Variants in BCKDHB observed in about 807,000 individuals in gnomAD.
BCKDHB encodes the protein branched chain keto acid dehydrogenase E1 subunit beta, also known as 2-oxoisovalerate dehydrogenase subunit beta, mitochondrial.
Under a neutral mutation model 48.5 loss-of-function variants are expected in BCKDHB, and 41 were observed. The observed-to-expected ratio is 0.85, with a 90% CI of 0.66 to 1.10. BCKDHB has a LOEUF of 1.10. Ranked by LOEUF, BCKDHB falls within the 50% of genes least tolerant of loss-of-function variation. BCKDHB has a pLI of 0.00. For missense variants in BCKDHB, 496 were observed against 494.2 expected (o/e 1.00, Z -0.03); for synonymous variants, 201 against 174.8 (o/e 1.15, Z -1.18).
At chr6:80,401,842 ATGTC>A in the BCKDHB span, among the ~76,000 whole-genome samples, 1 of 151,596 alleles carries the variant, frequency 6.6e-6, no homozygotes, top group Admixed American at 6.6e-5. Flanking sequence ...TTGTTTTTCT[ATGTC>A]TGGCTTATTT....
intron 8 of BCKDHB, among the ~76,000 whole-genome samples, chr6:80,264,192 G>A (rs1220795628): frequency 1.3e-5 from 2 of 152,064 alleles, no homozygotes; most frequent in African/African-American, 4.8e-5. Flanking sequence ...GGGCATTGTG[G>A]CAACATATAT....
At chr6:80,375,858 G>A in the BCKDHB span, among the ~76,000 whole-genome samples, 1 of 152,118 alleles carries the variant, frequency 6.6e-6, no homozygotes, top group Admixed American at 6.5e-5. Flanking sequence ...TTGATGTGGT[G>A]CTCTCCTTCT....
intron 6 of BCKDHB, among the ~76,000 whole-genome samples, chr6:80,188,285 C>T (rs986188310): frequency 1.3e-5 from 2 of 152,104 alleles, no homozygotes; most frequent in African/African-American, 2.4e-5. Flanking sequence ...CACATGTTCT[C>T]ACTTATAAGT....
At chr6:80,332,304 A>G (rs1464719954) in intron 9 of BCKDHB, among the ~76,000 whole-genome samples, 1 of 152,200 alleles carries the variant, frequency 6.6e-6, no homozygotes, top group African/African-American at 2.4e-5. Context: ...ACTTGTATTT[A>G]CATTTTAAGG....
intron 9 of BCKDHB, among the ~76,000 whole-genome samples, chr6:80,308,594 CTTCT>C (rs1486434549): frequency 7.2e-4 from 91 of 126,838 alleles, no homozygotes; most frequent in African/African-American, 2.6e-3. Flanking sequence ...TCTTCTTCTT[CTTCT>C]TTTTTTTTTT....
the BCKDHB span, among the ~76,000 whole-genome samples, chr6:80,396,013 T>G: frequency 6.6e-6 from 1 of 152,142 alleles, no homozygotes; most frequent in Non-Finnish European, 1.5e-5. Flanking sequence ...AGAGGATGTA[T>G]GGAAATGCCT....
At chr6:80,165,179 G>C (rs552249788) in intron 3 of BCKDHB, among the ~76,000 whole-genome samples, 7 of 152,254 alleles carry the variant, frequency 4.6e-5, no homozygotes, top group African/African-American at 1.4e-4. Flanking sequence ...GGTGGTTCAG[G>C]TATTCCAGGG....
intron 3 of BCKDHB, 47 bp from the exon 4 acceptor site, chr6:80,167,631 A>T (rs757318276): frequency 6.5e-7 from 1 of 1,529,072 alleles, no homozygotes; most frequent in Admixed American, 1.7e-5. Flanking sequence ...TATGCATGAC[A>T]TTACTCTCAT....
At chr6:80,428,532 T>C in the BCKDHB span, among the ~76,000 whole-genome samples, 41 of 152,298 alleles carry the variant, frequency 2.7e-4, no homozygotes, top group African/African-American at 8.7e-4. Flanking sequence ...CTCCAGCATC[T>C]GTTGTTTCCT....
At chr6:80,337,527 G>GT (rs959767118) in intron 9 of BCKDHB, among the ~76,000 whole-genome samples, 2 of 151,700 alleles carry the variant, frequency 1.3e-5, no homozygotes, top group African/African-American at 2.4e-5. Flanking sequence ...ATTTCTTAAT[G>GT]TTTTTTTCCT....
intron 6 of BCKDHB, among the ~76,000 whole-genome samples, chr6:80,200,402 C>T (rs968352196): frequency 7.9e-5 from 12 of 152,116 alleles, no homozygotes; most frequent in African/African-American, 2.2e-4. Flanking sequence ...AAATTTTTGG[C>T]CCTACTATTT....
intron 7 of BCKDHB, among the ~76,000 whole-genome samples, chr6:80,202,634 A>G (rs971523852): frequency 6.6e-6 from 1 of 151,792 alleles, no homozygotes. Flanking sequence ...TCTGCAATAC[A>G]CTGTCTCCTG....
chr6:80,448,475 G>C, the BCKDHB span, among the ~76,000 whole-genome samples: 1 of 152,174 alleles, frequency 6.6e-6, no homozygotes, highest in Non-Finnish European at 1.5e-5. Context: ...GAGAGCTAAC[G>C]GTGGTTGGGG....
At position 80,167,576 on chromosome 6, in the gene BCKDHB, AT is replaced by A. The variant is rs1230008243; in HGVS notation, c.344-101del. On this transcript the variant is annotated intron_variant, in intron 3 of 9. Coordinates refer to ENST00000320393, the MANE Select transcript of BCKDHB (RefSeq NM_183050.4). ...ATTTTCTGTTTCCTCTACCTGTTCTATACTTCTCCATCCCATTATTAGTTTA... is the reference window on the plus strand; with the variant it reads ...ATTTTCTGTTTCCTCTACCTGTTCTAACTTCTCCATCCCATTATTAGTTTA... 116 of 1,229,028 alleles carry A rather than the reference AT, an allele frequency of 9.4e-5. 1 individual carries two copies. The highest frequency in any genetic ancestry group is 1.3e-4 in the Non-Finnish European group (107 of 850,372). The allele number at this position is 1,229,028 out of a possible 1,614,324, so 76.1% of individuals were successfully genotyped here. A position where few individuals can be genotyped will look rare whatever the true frequency, so the allele number is the denominator to read the frequency against.
At chr6:80,197,519 A>G (rs893996561) in intron 6 of BCKDHB, among the ~76,000 whole-genome samples, 2 of 152,198 alleles carry the variant, frequency 1.3e-5, no homozygotes, top group South Asian at 2.1e-4. Flanking sequence ...TTAATTGCTC[A>G]TTGGCAACCT....
At chr6:80,205,261 T>C (rs1774589007) in intron 8 of BCKDHB, among the ~76,000 whole-genome samples, 1 of 152,092 alleles carries the variant, frequency 6.6e-6, no homozygotes, top group Admixed American at 6.6e-5. Flanking sequence ...TGAAGCTTTT[T>C]TAATTCATCT....
At chr6:80,182,728 T>C (rs1773469445) in intron 6 of BCKDHB, among the ~76,000 whole-genome samples, 5 of 152,174 alleles carry the variant, frequency 3.3e-5, no homozygotes, top group Admixed American at 2.0e-4. Flanking sequence ...CATAAAAATA[T>C]TGTATTATAA....
the BCKDHB span, among the ~76,000 whole-genome samples, chr6:80,397,356 CT>C: frequency 6.6e-6 from 1 of 152,050 alleles, no homozygotes; most frequent in Non-Finnish European, 1.5e-5. Context: ...CATATTGCTA[CT>C]CTTGTTTCCT....
chr6:80,240,416 T>C (rs562160573), intron 8 of BCKDHB, among the ~76,000 whole-genome samples: 1 of 152,272 alleles, frequency 6.6e-6, no homozygotes, highest in East Asian at 1.9e-4. Context: ...GGTATTTTAT[T>C]CTCTTTGAAG....
Sources: allele counts gnomAD v4.1 joint callset (sites outside exome capture counted in the v4.1 genomes callset), GRCh38; gene constraint gnomAD v4.1.1; transcripts MANE v1.5; gene names NCBI Gene and HGNC (gene_info 2026-07-23, HGNC 2026-07-21).